The following NLGN1 variants were observed in gnomAD, a reference collection of about 807,000 sequenced individuals.
The protein encoded by NLGN1 is neuroligin 1, also known as neuroligin-1.
NLGN1 carries 12 observed loss-of-function variants against 65.5 expected under a neutral mutation model. The ratio of observed to expected loss-of-function variants is 0.18; its 90% confidence interval spans 0.12 to 0.30. The LOEUF (loss-of-function observed/expected upper bound fraction) is 0.30. Among genes scored for constraint, NLGN1 ranks in the 10% least tolerant of loss-of-function variants. NLGN1 has a pLI of 1.00. For missense variants in NLGN1, 750 were observed against 1,007.1 expected, an observed-to-expected ratio of 0.74 and a Z score of 3.46; for synonymous variants, 350 against 359.5, an observed-to-expected ratio of 0.97 and a Z score of 0.30.
intron 4 of NLGN1, among the ~76,000 whole-genome samples, chr3:174,003,259 A>G (rs1723670845): frequency 1.3e-5 from 2 of 152,172 alleles, no homozygotes; most frequent in African/African-American, 2.4e-5. Context: ...CTTTTTATGA[A>G]AATAACTTAT....
At chr3:173,989,581 A>G (rs939614585) in intron 4 of NLGN1, among the ~76,000 whole-genome samples, 3 of 152,170 alleles carry the variant, frequency 2.0e-5, no homozygotes, top group African/African-American at 7.2e-5. Context: ...GACTTTGTAA[A>G]TCTCTGATCT....
chr3:174,076,348 T>G (rs752540189), intron 4 of NLGN1, among the ~76,000 whole-genome samples: 2 of 152,120 alleles, frequency 1.3e-5, no homozygotes, highest in Non-Finnish European at 2.9e-5. Context: ...GTTTCCTTTA[T>G]TGGTTTAGCC....
At position 173,994,465 on chromosome 3, in the gene NLGN1, CAAAAAAAAAA is replaced by C. The variant is rs1170577220; in HGVS notation, c.646+186651_646+186660del. ...TTTTTTATTTTAACCTTGAGAAAAG[CAAAAAAAAAA>C]AAAAAAAAAAAAAAAAAGAGAGAGA... On this transcript the variant is annotated intron_variant, in intron 4 of 6. Coordinates refer to ENST00000457714, the Ensembl canonical transcript of NLGN1. 5.2e-4 allele frequency among the ~76,000 whole-genome samples: 17 copies of C among 32,916 alleles called. No homozygotes were observed. In the East Asian group the frequency reaches 0.016, roughly 32 times the overall value. The allele number at this position is 32,916 out of a possible 152,430, so 21.6% of individuals were successfully genotyped here.
chr3:173,427,859 TTGG>T (rs61297849), intron 1 of NLGN1, among the ~76,000 whole-genome samples: 3,763 of 150,924 alleles, frequency 0.025, 152 homozygotes, highest in African/African-American at 0.088. Flanking sequence ...TTTTTTTTTT[TTGG>T]TTGAGTTTCT....
intron 2 of NLGN1, among the ~76,000 whole-genome samples, chr3:173,438,697 C>T (rs1290509955): frequency 6.6e-6 from 1 of 151,988 alleles, no homozygotes; most frequent in Non-Finnish European, 1.5e-5. Flanking sequence ...GTCTCTCACA[C>T]GTTTCAAAAT....
chr3:174,244,924 G>A (rs1388718204), intron 4 of NLGN1, among the ~76,000 whole-genome samples: 1 of 152,146 alleles, frequency 6.6e-6, no homozygotes, highest in Non-Finnish European at 1.5e-5. Context: ...AGATGTCGCA[G>A]GAATGATTCT....
At chr3:173,546,165 T>G (rs754104384) in intron 2 of NLGN1, among the ~76,000 whole-genome samples, 13 of 152,200 alleles carry the variant, frequency 8.5e-5, no homozygotes, top group Non-Finnish European at 1.0e-4. Context: ...ATATACAATG[T>G]AACAAATATG....
chr3:173,518,534 GTGTGTGTGTGTGCATGCA>G (rs1287008020), intron 2 of NLGN1, among the ~76,000 whole-genome samples: 5 of 151,270 alleles, frequency 3.3e-5, no homozygotes, highest in African/African-American at 1.2e-4. Context: ...ATGTGTATGT[GTGTGTGTGTGTGCATGCA>G]TGTGTGTGTG....
intron 4 of NLGN1, among the ~76,000 whole-genome samples, chr3:173,994,710 G>T (rs945979881): frequency 2.0e-5 from 3 of 151,954 alleles, no homozygotes; most frequent in Admixed American, 2.0e-4. Flanking sequence ...TTGACTTTAG[G>T]TTAGAACTGA....
chr3:174,064,186 G>GA (rs973882074), intron 4 of NLGN1, among the ~76,000 whole-genome samples: 3 of 151,640 alleles, frequency 2.0e-5, no homozygotes, highest in Non-Finnish European at 4.4e-5. Flanking sequence ...ATAAAAAAAA[G>GA]AAAAAAACAA....
chr3:173,403,727 T>C (rs1718126977), intron 1 of NLGN1, among the ~76,000 whole-genome samples: 1 of 152,186 alleles, frequency 6.6e-6, no homozygotes, highest in South Asian at 2.1e-4. Context: ...CTTTATTATT[T>C]GGATTCATTT....
chr3:173,549,923 C>T (rs1196626120), intron 2 of NLGN1, among the ~76,000 whole-genome samples: 3 of 152,164 alleles, frequency 2.0e-5, no homozygotes, highest in Non-Finnish European at 4.4e-5. Flanking sequence ...GTGACATAAC[C>T]TTATCTTCTA....
rs562582523 is a variant in NLGN1 at position 173,656,790 on chromosome 3, C to T, written c.493+51699C>T. Among the ~76,000 whole-genome samples the T allele has an allele frequency of 7.2e-5, 11 of 152,062 alleles. No homozygotes were observed. The East Asian group carries it at 1.9e-3, about 27-fold the overall frequency. On this transcript the variant is annotated intron_variant, in intron 3 of 6. Coordinates refer to ENST00000457714, the Ensembl canonical transcript of NLGN1. ...GCTTCTCAAAGGATTGTTATGAACA[C>T]CAAAGAGGGCAAATTACTTTCTTAG...
chr3:173,658,090 G>T (rs949170857), intron 3 of NLGN1, among the ~76,000 whole-genome samples: 1 of 151,946 alleles, frequency 6.6e-6, no homozygotes, highest in Non-Finnish European at 1.5e-5. Flanking sequence ...GGTAGTTAGA[G>T]AAATTTAACA....
chr3:174,225,992 G>T (rs575769222), intron 4 of NLGN1, among the ~76,000 whole-genome samples: 2 of 152,124 alleles, frequency 1.3e-5, no homozygotes, highest in African/African-American at 4.8e-5. Context: ...GAGTTGTGTG[G>T]TCATGATCAC....
intron 3 of NLGN1, among the ~76,000 whole-genome samples, chr3:173,713,750 C>G (rs960117301): frequency 6.6e-6 from 1 of 152,016 alleles, no homozygotes; most frequent in Non-Finnish European, 1.5e-5. Flanking sequence ...TAGAATACAG[C>G]CTTATACCCA....
intron 4 of NLGN1, among the ~76,000 whole-genome samples, chr3:173,947,468 T>C (rs947382104): frequency 6.6e-6 from 1 of 152,242 alleles, no homozygotes; most frequent in African/African-American, 2.4e-5. Flanking sequence ...TATGAAGCTA[T>C]ATATAAAGCT....
At chr3:173,714,660 G>C (rs895510310) in intron 3 of NLGN1, among the ~76,000 whole-genome samples, 7 of 152,202 alleles carry the variant, frequency 4.6e-5, no homozygotes, top group African/African-American at 1.7e-4. Context: ...TCTCTAAACT[G>C]GATCCTAGGA....
At chr3:174,095,877 G>A (rs993220373) in intron 4 of NLGN1, among the ~76,000 whole-genome samples, 4 of 151,992 alleles carry the variant, frequency 2.6e-5, no homozygotes, top group East Asian at 3.9e-4. Flanking sequence ...GCATGTGCCT[G>A]TAGTCCTGGC....
Sources: allele counts gnomAD v4.1 joint callset (sites outside exome capture counted in the v4.1 genomes callset), GRCh38; gene constraint gnomAD v4.1.1; transcripts MANE v1.5; gene names NCBI Gene and HGNC (gene_info 2026-07-23, HGNC 2026-07-21).